Variants in MYO18A observed in about 807,000 individuals in gnomAD.
MYO18A encodes unconventional myosin-XVIIIa.
MYO18A carries 78 observed loss-of-function variants against 235.8 expected under a neutral mutation model. That is an observed-to-expected ratio of 0.33 (90% CI 0.28 to 0.40). The LOEUF (loss-of-function observed/expected upper bound fraction) is 0.40. MYO18A is among the 10% of genes least tolerant of loss of function. The pLI, the probability that MYO18A is intolerant of heterozygous loss-of-function variation, is 1.00. For synonymous variants in MYO18A, 977 were observed against 1,077.8 expected (o/e 0.91, Z 1.83); for missense variants, 2,215 against 2,699.3 (o/e 0.82, Z 3.98).
intron 28 of MYO18A, among the ~76,000 whole-genome samples, chr17:29,095,639 G>A (rs1364590343): frequency 6.6e-6 from 1 of 152,228 alleles, no homozygotes; most frequent in East Asian, 1.9e-4. Flanking sequence ...TGGGCACACA[G>A]GGGGCCTCGT....
chr17:29,168,798 T>C lies in MYO18A; in HGVS notation c.-81-1777A>G, dbSNP rs1252038935. Among the ~76,000 whole-genome samples, 3 of 152,292 alleles carry C rather than the reference T, an allele frequency of 2.0e-5. No individual in the cohort carries two copies. In the East Asian group the frequency reaches 5.8e-4, roughly 30 times the overall value. ...CTCCTTTCTAGAGCAGTGCTGTCCA[T>C]AAGAAATATAATTCAAGGCCAGGTA... On this transcript the variant is annotated intron_variant, in intron 1 of 41. Transcript: ENST00000527372.
chr17:29,150,968 A>G (rs2067953399), intron 2 of MYO18A, among the ~76,000 whole-genome samples: 1 of 152,232 alleles, frequency 6.6e-6, no homozygotes, highest in Non-Finnish European at 1.5e-5. Flanking sequence ...GAGAGGAGGA[A>G]GAAAGGAGGA....
rs1160166898 is a variant in MYO18A at position 29,118,145 on chromosome 17, C to T, written c.1938G>A (p.Gln646=). Residue 646 remains glutamine (Q), a synonymous_variant, in exon 10 of 42, where the codon CAG becomes CAA. Coordinates refer to ENST00000527372, the MANE Select transcript of MYO18A (RefSeq NM_078471.4). This position sits in a 1 kb window ranked among gnomAD's most constrained non-coding sequence, Gnocchi z 4.2. ...QKAAQQFSKL[Q]AAMKVLGISP... ...AGATGCCCAGCACCTTCATGGCCGC[C>T]TGCAGCTTACTAAACTGCTGAGCTG... 3 of 1,597,810 alleles carry T rather than the reference C, an allele frequency of 1.9e-6. No homozygotes were observed. The highest frequency in any genetic ancestry group is 2.6e-6 in the Non-Finnish European group (3 of 1,171,518).
In MYO18A at chr17:29,107,179, G is replaced by C. The variant is rs1457769288; in HGVS notation, c.3342C>G (p.Asp1114Glu). 6.2e-7 allele frequency: 1 copy of C among 1,613,984 alleles called. No homozygotes were observed. The highest frequency in any genetic ancestry group is 1.6e-4 in the Middle Eastern group (1 of 6,062). ...AMRMYRQGYP[D>E]HMVFSEFRRR... Reference sequence around the variant, plus strand: ...GGCGGAACTCGGAAAACACCATGTGGTCAGGGTAACCTAGAGAGAGCAGCC... The same window carrying C: ...GGCGGAACTCGGAAAACACCATGTGCTCAGGGTAACCTAGAGAGAGCAGCC... Residue 1114 changes from aspartate (D) to glutamate (E), a missense_variant, in exon 20 of 42, where the codon GAC becomes GAG. Transcript: ENST00000527372.
chr17:29,083,506 C>CCCCA (rs1555622298), intron 40 of MYO18A, among the ~76,000 whole-genome samples: 1 of 75,922 alleles, frequency 1.3e-5, no homozygotes, highest in Admixed American at 1.2e-4. Flanking sequence ...AAATAAACAG[C>CCCCA]CACACAGGCA....
chr17:29,105,199 A>C (rs2066754120), intron 20 of MYO18A, among the ~76,000 whole-genome samples: 1 of 151,052 alleles, frequency 6.6e-6, no homozygotes, highest in Non-Finnish European at 1.5e-5. Flanking sequence ...AAAAAAAAGA[A>C]AAGTGCCGGT....
chr17:29,099,549 CT>C, intron 22 of MYO18A, 84 bp downstream of exon 22: 1 of 1,517,322 alleles, frequency 6.6e-7, no homozygotes, highest in Non-Finnish European at 8.8e-7. Context: ...GTTCCTGCCT[CT>C]TCTCCCCCTT....
In MYO18A at chr17:29,073,779, A is replaced by G. The variant is rs755745159; in HGVS notation, c.*991T>C. Reference sequence around the variant, plus strand: ...GTTGGAAGAATGACACGGGCTCAGGACACAGAGTGAGGACTCATGTCTAAT... The same window carrying G: ...GTTGGAAGAATGACACGGGCTCAGGGCACAGAGTGAGGACTCATGTCTAAT... On this transcript the variant is annotated 3_prime_UTR_variant, in exon 42 of 42. Transcript: ENST00000527372. 24 of 1,432,242 alleles carry G rather than the reference A, an allele frequency of 1.7e-5. No homozygotes were observed. Among genetic ancestry groups the G allele is most frequent in the Non-Finnish European group, 2.2e-5 (23 of 1,043,884 alleles). The allele number at this position is 1,432,242 out of a possible 1,614,324, so 88.7% of individuals were successfully genotyped here. A position where few individuals can be genotyped will look rare whatever the true frequency, so the allele number is the denominator to read the frequency against.
Position 29,097,829 on chromosome 17 carries a change from C to T in MYO18A, c.4061G>A (p.Arg1354Gln), listed in dbSNP as rs774237260. 20 of 1,613,690 alleles carry T rather than the reference C, an allele frequency of 1.2e-5. No homozygotes were observed. The highest frequency in any genetic ancestry group is 1.6e-4 in the Middle Eastern group (1 of 6,078). Residue 1354 changes from arginine (R) to glutamine (Q), a missense_variant, in exon 26 of 42, where the codon CGG (arginine) becomes CAG (glutamine). Physicochemically the swap from Arg to Gln is conservative, Grantham distance 43 (BLOSUM62 1). Transcript: ENST00000527372. ...CACTTCCCCGTTGATCTCCGCTGCC[C>T]GGATGAGACGGGCCTCCATCACCTC... ...EMEVMEARLIRAAEINGEVDD... is the reference protein window; with the variant it reads ...EMEVMEARLIQAAEINGEVDD...
intron 26 of MYO18A, 105 bp downstream of exon 26, chr17:29,097,683 C>T: frequency 1.0e-6 from 1 of 979,344 alleles, no homozygotes; most frequent in Non-Finnish European, 1.5e-6. Flanking sequence ...TCAGTTTAGC[C>T]CCATGGAGGG....
chr17:29,097,193 G>C, intron 27 of MYO18A, 30 bp downstream of exon 27: 1 of 1,601,066 alleles, frequency 6.2e-7, no homozygotes, highest in Non-Finnish European at 8.5e-7. Flanking sequence ...GCCCTCCCAG[G>C]CACAGGCCTC....
rs1246265278 is a variant in MYO18A, at chr17:29,092,392, A to G, written c.5138T>C (p.Ile1713Thr). Residue 1713 changes from isoleucine to threonine, a missense_variant, in exon 34 of 42, where the codon ATC becomes ACC. By Grantham distance (89) the Ile-to-Thr change is moderately conservative. Transcript: ENST00000527372. The stretch of plus-strand genomic sequence containing the variant: ...ATCAATCTGCAGGTGCAGGTCTTCG[A>G]TCTCCACCTCCATTGCTTTCCGTGC... The part of the protein sequence containing the change: ...VKARKAMEVE[I>T]EDLHLQIDDI... 21 of 1,612,336 alleles carry G rather than the reference A, an allele frequency of 1.3e-5. No individual in the cohort carries two copies. The highest frequency in any genetic ancestry group is 1.7e-5 in the Non-Finnish European group (20 of 1,179,840).
At chr17:29,167,640 A>G (rs1198920558) in intron 1 of MYO18A, among the ~76,000 whole-genome samples, 2 of 151,542 alleles carry the variant, frequency 1.3e-5, no homozygotes, top group African/African-American at 4.9e-5. Flanking sequence ...CAGGAGGTCG[A>G]GGTTGCAGTG....
chr17:29,159,145 G>A (rs562542455), intron 2 of MYO18A, among the ~76,000 whole-genome samples: 4 of 152,104 alleles, frequency 2.6e-5, no homozygotes, highest in Admixed American at 1.3e-4. Flanking sequence ...GCAATTCATC[G>A]AGCATCTCAT....
intron 41 of MYO18A, chr17:29,079,821 C>A (rs1399100163): frequency 2.9e-5 from 29 of 985,976 alleles, no homozygotes; most frequent in Non-Finnish European, 3.5e-5. Flanking sequence ...ACGGCCGGTG[C>A]GTCTGCCCAG....
Position 29,110,020 on chromosome 17 carries a change from C to T in MYO18A, c.3169G>A (p.Glu1057Lys), listed in dbSNP as rs1421894549. 9 of 1,612,914 alleles carry T rather than the reference C, an allele frequency of 5.6e-6. No individual in the cohort carries two copies. The highest frequency in any genetic ancestry group is 7.6e-6 in the Non-Finnish European group (9 of 1,179,760). Residue 1057 changes from glutamate (E) to lysine (K), a missense_variant, in exon 19 of 42, where the codon GAG becomes AAG. Physicochemically the swap from Glu to Lys is moderately conservative, Grantham distance 56 (BLOSUM62 1). Transcript: ENST00000527372. ...FLPVAEGWAG[E>K]PRSASSRRVS... ...CGGCGGGAGGAGGCGGAACGGGGCT[C>T]CCCAGCCCAGCCCTCAGCTACAGGC...
chr17:29,082,990 C>G (rs1183202816), intron 40 of MYO18A, among the ~76,000 whole-genome samples: 1 of 150,166 alleles, frequency 6.7e-6, no homozygotes, highest in East Asian at 2.0e-4. Context: ...GCAGCACCAA[C>G]CTGGGCTCTA....
In MYO18A at chr17:29,090,001, G is replaced by T. The variant is rs372479673; in HGVS notation, c.5486C>A (p.Thr1829Lys). The change falls in exon 37 of 42, where the codon ACA becomes AAA. Residue 1829 changes from threonine to lysine, a missense_variant. Transcript: ENST00000527372. Reference sequence around the variant, plus strand: ...TTGCGTCCTTTCAAACTCCAGGCGTGTCTCCAGCTCCCGTATCTTAGCTTC... The same window carrying T: ...TTGCGTCCTTTCAAACTCCAGGCGTTTCTCCAGCTCCCGTATCTTAGCTTC... ...RQEAKIRELE[T>K]RLEFERTQVK... The T allele has an allele frequency of 4.3e-6, 7 of 1,613,948 alleles. No homozygotes were observed. Among genetic ancestry groups the T allele is most frequent in the Non-Finnish European group, 5.9e-6 (7 of 1,179,922 alleles).
At chr17:29,116,934 CACATTCTCGAGAAA>C (rs1192609598) in intron 10 of MYO18A, among the ~76,000 whole-genome samples, 1 of 151,958 alleles carries the variant, frequency 6.6e-6, no homozygotes, top group Non-Finnish European at 1.5e-5. Flanking sequence ...GTCTGTCCTC[CACATTCTCGAGAAA>C]ACTTCTCTAA....
Sources: gnomAD v4.1 joint callset for allele counts (sites outside exome capture counted in the v4.1 genomes callset) on GRCh38, gnomAD v4.1.1 for gene constraint, Gnocchi (gnomAD v3.1) non-coding constraint, MANE v1.5 for transcripts, NCBI Gene and HGNC (gene_info 2026-07-23, HGNC 2026-07-21) for gene names.